PTPN2: variants seen among roughly 807,000 people sequenced by gnomAD.
PTPN2 encodes the protein tyrosine-protein phosphatase non-receptor type 2.
A neutral mutation model predicts 57.3 loss-of-function variants in PTPN2; 19 were observed. The observed-to-expected ratio is 0.33, with a 90% CI of 0.23 to 0.49. The LOEUF is 0.49. Among genes scored for constraint, PTPN2 ranks in the 20% least tolerant of loss-of-function variants. The pLI, the probability that PTPN2 is intolerant of heterozygous loss-of-function variation, is 0.99. For synonymous variants in PTPN2, 153 were observed against 164.9 expected (o/e 0.93, Z 0.55); for missense variants, 358 against 501.1 (o/e 0.71, Z 2.73).
intron 7 of PTPN2, 76 bp downstream of exon 7, chr18:12,814,127 C>A: frequency 8.9e-7 from 1 of 1,127,430 alleles, no homozygotes; most frequent in East Asian, 2.5e-5. Flanking sequence ...AAGACAAGGG[C>A]TCAAGTGGAG....
chr18:12,830,935 T>C lies in PTPN2; in HGVS notation c.360+8A>G. ...TATACTAAGTTGTAAATATTAAATA[T>C]TACTCACCGATTCTTTCTCCACAAT... On this transcript the variant is annotated splice_region_variant and intron_variant, in intron 4 of 8. Coordinates refer to ENST00000309660, the MANE Select transcript of PTPN2 (RefSeq NM_002828.4). The C allele has an allele frequency of 6.4e-7, 1 of 1,559,922 alleles. No individual in the cohort carries two copies. Among genetic ancestry groups the C allele is most frequent in the Non-Finnish European group, 8.8e-7 (1 of 1,132,206 alleles).
intron 4 of PTPN2, among the ~76,000 whole-genome samples, chr18:12,830,100 A>ATTT (rs148424474): frequency 4.1e-5 from 6 of 147,604 alleles, no homozygotes; most frequent in Non-Finnish European, 4.5e-5. Context: ...ATAATCCTTG[A>ATTT]TTTTTTTTTT....
In PTPN2 at chr18:12,794,254, A is replaced by G. The variant is rs1224775113; in HGVS notation, c.*24T>C. On this transcript the variant is annotated 3_prime_UTR_variant, in exon 9 of 9. Coordinates refer to ENST00000309660, the MANE Select transcript of PTPN2 (RefSeq NM_002828.4). ...TAGCACTGTCAGTTACTAGTGCAGA[A>G]GCTTGCTGGGCAAAATTAATTGTTT... 6.2e-7 allele frequency: 1 copy of G among 1,613,932 alleles called. No individual in the cohort carries two copies. The highest frequency in any genetic ancestry group is 2.2e-5 in the East Asian group (1 of 44,890).
chr18:12,841,660 T>C (rs1180977261), intron 2 of PTPN2, among the ~76,000 whole-genome samples: 2 of 152,236 alleles, frequency 1.3e-5, no homozygotes, highest in African/African-American at 4.8e-5. Flanking sequence ...CAACCCATCA[T>C]GATTTCAAGA....
At chr18:12,840,380 C>G (rs1267695281) in intron 2 of PTPN2, among the ~76,000 whole-genome samples, 1 of 152,200 alleles carries the variant, frequency 6.6e-6, no homozygotes, top group Non-Finnish European at 1.5e-5. Context: ...ACCATATACT[C>G]CCCCATATTA....
chr18:12,873,657 G>A (rs1432511885), intron 1 of PTPN2, among the ~76,000 whole-genome samples: 2 of 152,172 alleles, frequency 1.3e-5, no homozygotes, highest in East Asian at 1.9e-4. Context: ...CCTCCCAGCC[G>A]CCTGCCTTGG....
intron 1 of PTPN2, chr18:12,863,301 T>A (rs1010452375): frequency 3.3e-5 from 5 of 151,892 alleles, no homozygotes; most frequent in South Asian, 2.1e-4. Context: ...TGCCAAAAAA[T>A]TTTTTTAATT....
intron 1 of PTPN2, among the ~76,000 whole-genome samples, 198 bp from the exon 2 acceptor site, chr18:12,859,452 G>A (rs1428972565): frequency 2.0e-5 from 3 of 152,172 alleles, no homozygotes; most frequent in Non-Finnish European, 4.4e-5. Flanking sequence ...ATCTGTGAGG[G>A]ATGAAAGGCT....
intron 2 of PTPN2, among the ~76,000 whole-genome samples, chr18:12,840,238 C>A (rs1414373894): frequency 6.6e-6 from 1 of 152,166 alleles, no homozygotes; most frequent in Non-Finnish European, 1.5e-5. Flanking sequence ...TGTCCAAGAA[C>A]TCAAAGCATT....
At chr18:12,826,036 A>G (rs1276346767) in intron 4 of PTPN2, 92 bp from the exon 5 acceptor site, 2 of 1,036,304 alleles carry the variant, frequency 1.9e-6, no homozygotes, top group Non-Finnish European at 1.4e-6. Context: ...AGATATATAC[A>G]TGCTATATTT....
chr18:12,797,122 T>TG (rs1452362806), intron 8 of PTPN2, among the ~76,000 whole-genome samples: 2 of 152,204 alleles, frequency 1.3e-5, no homozygotes, highest in Non-Finnish European at 2.9e-5. Flanking sequence ...TGCATGTACC[T>TG]GTTAGTGAAA....
chr18:12,807,485 C>T (rs1006170216), intron 7 of PTPN2, among the ~76,000 whole-genome samples: 3 of 145,554 alleles, frequency 2.1e-5, no homozygotes, highest in Non-Finnish European at 4.5e-5. Context: ...CACTCCTGTG[C>T]TTATTGCAGC....
In PTPN2 at chr18:12,794,046, C is replaced by T. The variant is rs978275218; in HGVS notation, c.*232G>A. The T allele has an allele frequency of 1.4e-6, 2 of 1,391,094 alleles. No individual in the cohort carries two copies. Among genetic ancestry groups the T allele is most frequent in the African/African-American group, 1.5e-5 (1 of 68,960 alleles). 86.2% of individuals were successfully genotyped at this position (1,391,094 alleles called of 1,614,324 possible). On this transcript the variant is annotated 3_prime_UTR_variant, in exon 9 of 9. Transcript: ENST00000309660. ...AGTTGCAAAATTTACCAGTTTTTAA[C>T]AAACATGAATGTCTTTATTTTAGAC...
chr18:12,833,828 A>T (rs1475414521), intron 3 of PTPN2, among the ~76,000 whole-genome samples: 1 of 152,228 alleles, frequency 6.6e-6, no homozygotes, highest in Non-Finnish European at 1.5e-5. Flanking sequence ...CTCAATCCCA[A>T]TGAGAAAAAT....
intron 7 of PTPN2, among the ~76,000 whole-genome samples, chr18:12,803,831 A>T (rs2041519357): frequency 6.6e-6 from 1 of 152,174 alleles, no homozygotes; most frequent in African/African-American, 2.4e-5. Flanking sequence ...CAGACATAAA[A>T]TCAACAAAAA....
intron 3 of PTPN2, among the ~76,000 whole-genome samples, chr18:12,832,493 A>G (rs928279624): frequency 6.6e-6 from 1 of 152,158 alleles, no homozygotes; most frequent in Admixed American, 6.5e-5. Context: ...AAATGAATAA[A>G]CCAAGGTTAA....
intron 2 of PTPN2, chr18:12,840,914 T>G (rs933721381): frequency 1.3e-6 from 2 of 1,531,144 alleles, no homozygotes; most frequent in Non-Finnish European, 8.8e-7. Context: ...AACTAGACGC[T>G]CTGATGGAAT....
At chr18:12,823,491 C>G (rs1027273622) in intron 5 of PTPN2, among the ~76,000 whole-genome samples, 1 of 151,942 alleles carries the variant, frequency 6.6e-6, no homozygotes, top group Admixed American at 6.6e-5. Flanking sequence ...CTGGCCAACA[C>G]AGCGAAACCC....
At chr18:12,807,344 G>A (rs1464245388) in intron 7 of PTPN2, among the ~76,000 whole-genome samples, 3 of 151,696 alleles carry the variant, frequency 2.0e-5, no homozygotes. Flanking sequence ...ATGTAAATTA[G>A]TACAGCCATC....
Sources: gnomAD v4.1 joint callset for allele counts (sites outside exome capture counted in the v4.1 genomes callset) on GRCh38, gnomAD v4.1.1 for gene constraint, MANE v1.5 for transcripts, NCBI Gene and HGNC (gene_info 2026-07-23, HGNC 2026-07-21) for gene names.